Variants in PDE7B observed in about 807,000 individuals in gnomAD.
PDE7B encodes the protein 3',5'-cyclic-AMP phosphodiesterase 7B.
Under a neutral mutation model 56.2 loss-of-function variants are expected in PDE7B, and 29 were observed. That is an observed-to-expected ratio of 0.52 (90% CI 0.38 to 0.70). The LOEUF (loss-of-function observed/expected upper bound fraction) is 0.70. Ranked by LOEUF, PDE7B falls within the 30% of genes least tolerant of loss-of-function variation. PDE7B has a pLI of 0.00. For missense variants in PDE7B, 490 were observed against 565.0 expected (o/e 0.87, Z 1.35); for synonymous variants, 197 against 196.9 (o/e 1.00, Z 0.00).
intron 2 of PDE7B, among the ~76,000 whole-genome samples, chr6:136,090,123 AGC>A (rs1271211565): frequency 6.6e-6 from 1 of 152,126 alleles, no homozygotes; most frequent in East Asian, 1.9e-4. Flanking sequence ...ATGACTCACA[AGC>A]GACTGTTCTT....
intron 2 of PDE7B, among the ~76,000 whole-genome samples, chr6:136,060,154 C>T (rs186058583): frequency 7.6e-4 from 115 of 152,312 alleles, no homozygotes; most frequent in Admixed American, 1.7e-3. Context: ...ATATATCCCT[C>T]CTTCTTCTTT....
chr6:135,979,244 A>G (rs986635666), intron 2 of PDE7B, among the ~76,000 whole-genome samples: 15 of 151,622 alleles, frequency 9.9e-5, no homozygotes, highest in Non-Finnish European at 2.1e-4. Flanking sequence ...ATCATGGTGG[A>G]TAAGCTTTTT....
At chr6:136,160,896 C>A (rs1320657292) in intron 8 of PDE7B, among the ~76,000 whole-genome samples, 1 of 151,704 alleles carries the variant, frequency 6.6e-6, no homozygotes, top group Non-Finnish European at 1.5e-5. Context: ...AGAAGATGAA[C>A]AAAACAAATA....
intron 11 of PDE7B, among the ~76,000 whole-genome samples, chr6:136,181,599 T>C (rs1779068506): frequency 6.6e-6 from 1 of 152,248 alleles, no homozygotes; most frequent in South Asian, 2.1e-4. Flanking sequence ...TAAATGGCTC[T>C]CCTCTGTGGA....
intron 2 of PDE7B, among the ~76,000 whole-genome samples, chr6:135,989,008 A>G (rs761985051): frequency 7.2e-5 from 11 of 152,174 alleles, no homozygotes; most frequent in Non-Finnish European, 1.6e-4. Context: ...ATCAGTTTCT[A>G]CACTATAGTC....
Position 135,854,214 on chromosome 6 carries a change from G to T in PDE7B, c.21+2195G>T, listed in dbSNP as rs546718343. 1.7e-3 allele frequency among the ~76,000 whole-genome samples: 266 copies of T among 152,300 alleles called. 1 individual carries two copies. The highest frequency in any genetic ancestry group is 3.4e-3 in the Middle Eastern group (1 of 294). On this transcript the variant is annotated intron_variant, in intron 1 of 12. Transcript: ENST00000308191. The stretch of plus-strand genomic sequence containing the variant: ...CCCAAATCACAGGAGGAAGCTGTTT[G>T]TTGACTCACAGAAGATAGTGTTGGA...
At chr6:135,889,438 C>G (rs1170145688) in intron 1 of PDE7B, among the ~76,000 whole-genome samples, 1 of 143,642 alleles carries the variant, frequency 7.0e-6, no homozygotes, top group East Asian at 2.0e-4. Flanking sequence ...ATGGTGCTAC[C>G]AATTTTTTTT....
intron 1 of PDE7B, among the ~76,000 whole-genome samples, chr6:135,927,650 T>G (rs1260157651): frequency 2.0e-5 from 3 of 152,140 alleles, no homozygotes; most frequent in Non-Finnish European, 4.4e-5. Flanking sequence ...TTGTGGCTAT[T>G]GTAAATGATA....
At chr6:135,998,172 A>G (rs542746974) in intron 2 of PDE7B, among the ~76,000 whole-genome samples, 2 of 152,300 alleles carry the variant, frequency 1.3e-5, no homozygotes, top group South Asian at 2.1e-4. Flanking sequence ...GGAGAAAAAG[A>G]GAGATTTTCA....
intron 2 of PDE7B, among the ~76,000 whole-genome samples, chr6:136,104,992 CT>C (rs1345741610): frequency 2.0e-5 from 3 of 152,208 alleles, no homozygotes; most frequent in African/African-American, 4.8e-5. Context: ...TTGCTCTCAC[CT>C]AGCTCCATTG....
chr6:136,050,413 A>T (rs1025987613), intron 2 of PDE7B, among the ~76,000 whole-genome samples: 9 of 34,816 alleles, frequency 2.6e-4, no homozygotes, highest in Non-Finnish European at 3.9e-4. Flanking sequence ...CCAGAAAATT[A>T]AAAAAAAAAA....
intron 2 of PDE7B, among the ~76,000 whole-genome samples, chr6:136,046,105 G>C (rs1243726521): frequency 6.6e-6 from 1 of 151,978 alleles, no homozygotes; most frequent in Non-Finnish European, 1.5e-5. Context: ...GAAGTCGATA[G>C]TTTGCTGAAG....
chr6:136,058,860 T>C (rs945326918), intron 2 of PDE7B, among the ~76,000 whole-genome samples: 2 of 152,136 alleles, frequency 1.3e-5, no homozygotes, highest in Admixed American at 1.3e-4. Context: ...TACTCAACCA[T>C]TGAGGACACT....
At chr6:136,001,713 TC>T (rs1221785108) in intron 2 of PDE7B, among the ~76,000 whole-genome samples, 1 of 152,064 alleles carries the variant, frequency 6.6e-6, no homozygotes, top group African/African-American at 2.4e-5. Flanking sequence ...AAAGACCAAA[TC>T]TACATCTGAC....
At position 136,073,126 on chromosome 6, in the gene PDE7B, G is replaced by A. The variant is rs114396831; in HGVS notation, c.83-35605G>A. ...TATCTGAGATGGTGGCGTCGGCAGGGATGGCCATGCTGAAGTCTGTTCATA... is the reference window on the plus strand; with the variant it reads ...TATCTGAGATGGTGGCGTCGGCAGGAATGGCCATGCTGAAGTCTGTTCATA... On this transcript the variant is annotated intron_variant, in intron 2 of 12. Transcript: ENST00000308191. Among the ~76,000 whole-genome samples the A allele has an allele frequency of 3.9e-3, 592 of 152,200 alleles. 4 individuals are homozygous for A. Among genetic ancestry groups the A allele is most frequent in the African/African-American group, 0.014 (564 of 41,528 alleles).
chr6:136,076,408 G>T lies in PDE7B; in HGVS notation c.83-32323G>T, dbSNP rs141025652. 2.4e-3 allele frequency among the ~76,000 whole-genome samples: 367 copies of T among 152,218 alleles called. 1 individual carries two copies. The highest frequency in any genetic ancestry group is 4.6e-3 in the Non-Finnish European group (313 of 68,002). On this transcript the variant is annotated intron_variant, in intron 2 of 12. Transcript: ENST00000308191. ...GAATTGCTTGAACCCAGGAGGCGGA[G>T]GTTGCAGTGAGCCAAGATTGCGCCA...
chr6:136,132,768 G>A (rs773592236), intron 3 of PDE7B, among the ~76,000 whole-genome samples: 3 of 152,146 alleles, frequency 2.0e-5, no homozygotes, highest in Non-Finnish European at 4.4e-5. Context: ...CACTGCAGTA[G>A]TCATCTAAAA....
intron 1 of PDE7B, among the ~76,000 whole-genome samples, chr6:135,926,249 G>A (rs1192264744): frequency 6.6e-6 from 1 of 151,764 alleles, no homozygotes; most frequent in East Asian, 1.9e-4. Flanking sequence ...ACCACGCCCA[G>A]CTAATTTTTT....
At chr6:136,106,844 AAAGTACAT>A (rs1777652623) in intron 2 of PDE7B, among the ~76,000 whole-genome samples, 1 of 152,188 alleles carries the variant, frequency 6.6e-6, no homozygotes. Flanking sequence ...ACCCCATATT[AAAGTACAT>A]AAGTACATTT....
Sources: allele counts gnomAD v4.1 joint callset (sites outside exome capture counted in the v4.1 genomes callset), GRCh38; gene constraint gnomAD v4.1.1; transcripts MANE v1.5; gene names NCBI Gene and HGNC (gene_info 2026-07-23, HGNC 2026-07-21).